Variants in GRM5 observed in about 807,000 individuals in gnomAD.
GRM5 encodes metabotropic glutamate receptor 5.
Under a neutral mutation model 83.1 loss-of-function variants are expected in GRM5, and 19 were observed. The observed-to-expected ratio is 0.23, with a 90% CI of 0.16 to 0.34. The LOEUF is 0.34. Ranked by LOEUF, GRM5 falls within the 10% of genes least tolerant of loss-of-function variation. The pLI is 1.00. For synonymous variants in GRM5, 675 were observed against 633.6 expected (o/e 1.07, Z -0.98); for missense variants, 1,160 against 1,588.3 (o/e 0.73, Z 4.58).
chr11:89,061,731 A>T (rs1941997681), intron 1 of GRM5, among the ~76,000 whole-genome samples: 1 of 152,226 alleles, frequency 6.6e-6, no homozygotes, highest in African/African-American at 2.4e-5. Flanking sequence ...CCTATGGAAG[A>T]AAAGTGAAAA....
At chr11:88,773,025 A>G (rs888263129) in intron 3 of GRM5, among the ~76,000 whole-genome samples, 1 of 152,176 alleles carries the variant, frequency 6.6e-6, no homozygotes, top group Non-Finnish European at 1.5e-5. Context: ...GAATCACCAC[A>G]CTGTCTTCCA....
chr11:88,813,443 C>T (rs1229754378), intron 3 of GRM5, among the ~76,000 whole-genome samples: 1 of 152,124 alleles, frequency 6.6e-6, no homozygotes, highest in Admixed American at 6.6e-5. Context: ...ACTTATTCTA[C>T]CACCATCTAC....
chr11:88,828,214 T>C (rs1160702003), intron 3 of GRM5, among the ~76,000 whole-genome samples: 1 of 152,144 alleles, frequency 6.6e-6, no homozygotes, highest in Non-Finnish European at 1.5e-5. Context: ...TCTGGTAACA[T>C]AGTGTAAGAC....
intron 8 of GRM5, among the ~76,000 whole-genome samples, chr11:88,565,650 G>A (rs1942859703): frequency 6.6e-6 from 1 of 152,214 alleles, no homozygotes; most frequent in African/African-American, 2.4e-5. Flanking sequence ...GTTCATACAG[G>A]AGTCAGGAAG....
chr11:88,546,149 A>G (rs1043832626), intron 8 of GRM5, among the ~76,000 whole-genome samples: 5 of 151,632 alleles, frequency 3.3e-5, no homozygotes, highest in Admixed American at 1.3e-4. Flanking sequence ...CTTCTCTTTA[A>G]CTTATTCAGA....
chr11:89,048,693 A>T (rs916113021), intron 1 of GRM5, among the ~76,000 whole-genome samples: 6 of 152,228 alleles, frequency 3.9e-5, no homozygotes, highest in African/African-American at 1.2e-4. Context: ...AAATGAAGAA[A>T]GGTGGGTGTT....
chr11:88,920,045 C>A (rs1279698352), intron 2 of GRM5, among the ~76,000 whole-genome samples: 1 of 151,826 alleles, frequency 6.6e-6, no homozygotes, highest in Non-Finnish European at 1.5e-5. Flanking sequence ...AAGAAATAAT[C>A]CACATCAGAG....
intron 6 of GRM5, among the ~76,000 whole-genome samples, chr11:88,596,764 C>T (rs1219533270): frequency 6.6e-6 from 1 of 151,980 alleles, no homozygotes; most frequent in African/African-American, 2.4e-5. Context: ...TTATCTGTGT[C>T]CATGATATTT....
At chr11:88,841,347 T>C (rs537711572) in intron 3 of GRM5, among the ~76,000 whole-genome samples, 1 of 152,278 alleles carries the variant, frequency 6.6e-6, no homozygotes, top group South Asian at 2.1e-4. Context: ...CTTTGTAAAA[T>C]TATCAAACCA....
intron 8 of GRM5, among the ~76,000 whole-genome samples, chr11:88,560,754 A>G (rs1942736164): frequency 6.6e-6 from 1 of 152,168 alleles, no homozygotes; most frequent in South Asian, 2.1e-4. Context: ...GGAGATATAA[A>G]TACGCTGAAG....
intron 2 of GRM5, among the ~76,000 whole-genome samples, chr11:88,946,571 T>A (rs887802529): frequency 2.6e-5 from 4 of 151,884 alleles, no homozygotes; most frequent in Non-Finnish European, 5.9e-5. Flanking sequence ...ACAGAGAAAA[T>A]CAAATATTGC....
intron 3 of GRM5, among the ~76,000 whole-genome samples, chr11:88,825,356 T>C (rs1450724337): frequency 1.3e-5 from 2 of 152,200 alleles, no homozygotes; most frequent in Non-Finnish European, 2.9e-5. Flanking sequence ...TTCATCCATA[T>C]TATCAGTTGC....
intron 2 of GRM5, among the ~76,000 whole-genome samples, chr11:88,875,503 A>C (rs1268910725): frequency 6.6e-6 from 1 of 151,968 alleles, no homozygotes; most frequent in Non-Finnish European, 1.5e-5. Flanking sequence ...GTTAATATTG[A>C]TATTCTGACC....
rs192405116 is a variant in GRM5 at position 89,020,230 on chromosome 11, T to C, written c.661+26982A>G. On this transcript the variant is annotated intron_variant, in intron 2 of 9. Transcript: ENST00000305447. ...ATAACACAAAATAGTAAGTGCAGAA[T>C]TGGAATTTAAGCCCAGGTGTTTGGA... Among the ~76,000 whole-genome samples, 17 of 152,332 alleles carry C rather than the reference T, an allele frequency of 1.1e-4. No individual in the cohort carries two copies. The East Asian group carries it at 1.9e-3, about 17-fold the overall frequency.
intron 8 of GRM5, among the ~76,000 whole-genome samples, chr11:88,559,099 A>G (rs1323032850): frequency 6.6e-6 from 1 of 152,104 alleles, no homozygotes; most frequent in African/African-American, 2.4e-5. Context: ...CATAAAGAAA[A>G]TCTATACAAA....
chr11:88,798,805 C>CAAAAAAAAAAAAA (rs4002396), intron 3 of GRM5, among the ~76,000 whole-genome samples: 56 of 55,264 alleles, frequency 1.0e-3, no homozygotes, highest in East Asian at 1.5e-3. Flanking sequence ...ATGAAAACAC[C>CAAAAAAAAAAAAA]AAAAAAAAAA....
In GRM5 at chr11:89,047,472, G is replaced by A. The variant is rs1321899599; in HGVS notation, c.401C>T (p.Ser134Phe). Residue 134 changes from serine (S) to phenylalanine (F), a missense_variant, in exon 2 of 10, where the codon TCC becomes TTC. By Grantham distance (155) the Ser-to-Phe change is radical (BLOSUM62 -2). Coordinates refer to ENST00000305447, the MANE Select transcript of GRM5 (RefSeq NM_001143831.3). This position sits in a 1 kb window ranked among gnomAD's most constrained non-coding sequence, Gnocchi z 5.1. ...EGLVRCVDGS[S>F]SSFRSKKPIV... ...GGGCTTCTTGGAGCGGAAGGAAGAG[G>A]AGGAGCCATCCACACAGCGTACCAA... is the stretch of plus-strand genomic sequence containing the variant. 9 of 1,614,082 alleles carry A rather than the reference G, an allele frequency of 5.6e-6. No individual in the cohort carries two copies. Among genetic ancestry groups the A allele is most frequent in the Non-Finnish European group, 7.6e-6 (9 of 1,180,042 alleles).
chr11:88,991,413 A>G (rs1043404462), intron 2 of GRM5, among the ~76,000 whole-genome samples: 20 of 152,030 alleles, frequency 1.3e-4, no homozygotes, highest in Non-Finnish European at 2.5e-4. Flanking sequence ...GGAAGAATCA[A>G]TATCGTGAAA....
chr11:89,055,613 A>C (rs1166736459), intron 1 of GRM5, among the ~76,000 whole-genome samples: 1 of 152,192 alleles, frequency 6.6e-6, no homozygotes, highest in East Asian at 1.9e-4. Context: ...TCAAAACACA[A>C]TTTTAATCAT....
Sources: allele counts gnomAD v4.1 joint callset (sites outside exome capture counted in the v4.1 genomes callset), GRCh38; gene constraint gnomAD v4.1.1; non-coding constraint Gnocchi (gnomAD v3.1); transcripts MANE v1.5; gene names NCBI Gene and HGNC (gene_info 2026-07-23, HGNC 2026-07-21).